Variants in SND1 observed in about 807,000 individuals in gnomAD.
The protein encoded by SND1 is staphylococcal nuclease and tudor domain containing 1.
In SND1, 38 loss-of-function variants were observed where a neutral mutation model predicts 121.7. That is an observed-to-expected ratio of 0.31 (90% CI 0.24 to 0.41). SND1 has a LOEUF of 0.41. Ranked by LOEUF, SND1 falls within the 10% of genes least tolerant of loss-of-function variation. SND1 has a pLI of 1.00. For synonymous variants in SND1, 401 were observed against 447.4 expected, an observed-to-expected ratio of 0.90 and a Z score of 1.31; for missense variants, 868 against 1,184.6, an observed-to-expected ratio of 0.73 and a Z score of 3.92.
At chr7:127,878,997 G>C (rs1563044902) in intron 12 of SND1, among the ~76,000 whole-genome samples, 1 of 152,118 alleles carries the variant, frequency 6.6e-6, no homozygotes. Flanking sequence ...AATTCAACCA[G>C]TGAAGACTGG....
intron 12 of SND1, among the ~76,000 whole-genome samples, chr7:127,847,274 A>AAAAC (rs768981073): frequency 8.5e-5 from 13 of 152,300 alleles, no homozygotes; most frequent in South Asian, 4.1e-4. Flanking sequence ...TTTGTCTCAA[A>AAAAC]AAACAAACAA....
chr7:127,652,499 G>A, intron 1 of SND1, 48 bp downstream of exon 1: 1 of 1,473,000 alleles, frequency 6.8e-7, no homozygotes, highest in Non-Finnish European at 9.2e-7. Context: ...CTTCGGGCGG[G>A]AGTCAGGCAT....
At chr7:127,754,143 C>T (rs1797151985) in intron 10 of SND1, among the ~76,000 whole-genome samples, 1 of 152,164 alleles carries the variant, frequency 6.6e-6, no homozygotes, top group African/African-American at 2.4e-5. Flanking sequence ...GTCACAGTAT[C>T]TTCTATTTGG....
At chr7:128,007,877 C>T (rs541101792) in intron 16 of SND1, among the ~76,000 whole-genome samples, 1 of 152,246 alleles carries the variant, frequency 6.6e-6, no homozygotes, top group South Asian at 2.1e-4. Flanking sequence ...TAGAAGGGAT[C>T]TAGAGGTTAT....
chr7:127,983,544 A>G (rs4731388), intron 15 of SND1, among the ~76,000 whole-genome samples: 1 of 151,926 alleles, frequency 6.6e-6, no homozygotes, highest in Non-Finnish European at 1.5e-5. Context: ...GCACCCCTTT[A>G]TCTGCTAGCT....
intron 13 of SND1, among the ~76,000 whole-genome samples, chr7:127,896,650 G>A (rs541381805): frequency 1.1e-4 from 17 of 152,168 alleles, no homozygotes; most frequent in African/African-American, 3.6e-4. Flanking sequence ...AATTACAGTC[G>A]TGGTTATAAG....
intron 10 of SND1, among the ~76,000 whole-genome samples, chr7:127,766,749 G>A: frequency 1.0e-5 from 1 of 99,852 alleles, no homozygotes; most frequent in African/African-American, 3.9e-5. Flanking sequence ...TCCAGCCTGG[G>A]TGACAAAGCG....
intron 10 of SND1, among the ~76,000 whole-genome samples, chr7:127,754,851 A>G (rs1431010450): frequency 1.3e-5 from 2 of 152,244 alleles, no homozygotes; most frequent in African/African-American, 4.8e-5. Context: ...TGGCTTGCAA[A>G]TATTTCAGTG....
intron 14 of SND1, among the ~76,000 whole-genome samples, chr7:127,922,771 G>T (rs1335442896): frequency 1.3e-5 from 2 of 152,078 alleles, no homozygotes; most frequent in Non-Finnish European, 2.9e-5. Flanking sequence ...TCTCTGTTGA[G>T]GGCATCACTG....
At chr7:128,063,904 G>A (rs1584769036) in intron 16 of SND1, among the ~76,000 whole-genome samples, 1 of 152,204 alleles carries the variant, frequency 6.6e-6, no homozygotes. Context: ...GCAAAATAAT[G>A]AAGGCCACAA....
intron 16 of SND1, among the ~76,000 whole-genome samples, chr7:128,061,108 G>C (rs1201039027): frequency 6.6e-6 from 1 of 152,192 alleles, no homozygotes; most frequent in African/African-American, 2.4e-5. Context: ...TGGGCAAATA[G>C]TAGGGCTGAG....
intron 11 of SND1, among the ~76,000 whole-genome samples, chr7:127,821,542 G>A (rs1798549151): frequency 6.6e-6 from 1 of 152,002 alleles, no homozygotes; most frequent in Non-Finnish European, 1.5e-5. Context: ...TTTCTTTCAG[G>A]GATTGCTTTT....
chr7:127,667,381 G>A (rs1795436628), intron 1 of SND1, among the ~76,000 whole-genome samples: 1 of 152,088 alleles, frequency 6.6e-6, no homozygotes, highest in East Asian at 1.9e-4. Context: ...GTTGTATCTG[G>A]TATACAGGTC....
intron 14 of SND1, among the ~76,000 whole-genome samples, chr7:127,911,341 T>C (rs1157739940): frequency 6.6e-6 from 1 of 152,148 alleles, no homozygotes; most frequent in Non-Finnish European, 1.5e-5. Flanking sequence ...CTCTTTCTCT[T>C]TCTTTTCTTT....
chr7:128,008,938 T>A (rs910276424), intron 16 of SND1, among the ~76,000 whole-genome samples: 1 of 152,186 alleles, frequency 6.6e-6, no homozygotes, highest in African/African-American at 2.4e-5. Context: ...TTAGTCCTGA[T>A]GGTGTGGTAG....
intron 11 of SND1, among the ~76,000 whole-genome samples, chr7:127,815,451 C>G (rs929092539): frequency 6.6e-6 from 1 of 152,002 alleles, no homozygotes; most frequent in African/African-American, 2.4e-5. Flanking sequence ...GATCATGCCA[C>G]TGGACTCTAG....
chr7:127,896,530 A>C (rs1333979167), intron 13 of SND1, among the ~76,000 whole-genome samples: 1 of 152,126 alleles, frequency 6.6e-6, no homozygotes. Context: ...ATTCTGATGC[A>C]CACTAAAATT....
At chr7:127,857,912 T>A in intron 12 of SND1, 1 of 1,393,356 alleles carries the variant, frequency 7.2e-7, no homozygotes, top group Non-Finnish European at 1.0e-6. Flanking sequence ...GGGTCCAGCT[T>A]CCGGCAGTAA....
chr7:128,017,696 G>A (rs537054941), intron 16 of SND1, among the ~76,000 whole-genome samples: 8 of 152,232 alleles, frequency 5.3e-5, no homozygotes, highest in African/African-American at 1.7e-4. Flanking sequence ...CGGGGAGGGG[G>A]GGCAAACTCT....
Sources: allele counts gnomAD v4.1 joint callset (sites outside exome capture counted in the v4.1 genomes callset), GRCh38; gene constraint gnomAD v4.1.1; transcripts MANE v1.5; gene names NCBI Gene and HGNC (gene_info 2026-07-23, HGNC 2026-07-21).